RIMS2: variants seen among roughly 807,000 people sequenced by gnomAD.
RIMS2 encodes the protein regulating synaptic membrane exocytosis protein 2.
In RIMS2, 59 loss-of-function variants were observed where a neutral mutation model predicts 174.4. The ratio of observed to expected loss-of-function variants is 0.34; its 90% CI spans 0.27 to 0.42. The LOEUF is 0.42. RIMS2 is among the 10% of genes least tolerant of loss of function. RIMS2 has a pLI of 1.00. For missense variants in RIMS2, 1,620 were observed against 1,666.3 expected, an observed-to-expected ratio of 0.97 and a Z score of 0.48; for synonymous variants, 606 against 572.5, an observed-to-expected ratio of 1.06 and a Z score of -0.84.
chr8:103,703,635 A>G (rs1182366063), intron 2 of RIMS2, among the ~76,000 whole-genome samples: 1 of 149,300 alleles, frequency 6.7e-6, no homozygotes, highest in Non-Finnish European at 1.5e-5. Flanking sequence ...ATAATAGGAT[A>G]CTTTTCCTTT....
chr8:104,100,786 C>T (rs971435202), intron 19 of RIMS2, among the ~76,000 whole-genome samples: 22 of 142,232 alleles, frequency 1.5e-4, no homozygotes, highest in African/African-American at 5.4e-4. Flanking sequence ...TAATCCCATT[C>T]AATTTCCTGT....
intron 1 of RIMS2, among the ~76,000 whole-genome samples, chr8:103,690,097 G>A (rs1399365927): frequency 6.6e-6 from 1 of 151,666 alleles, no homozygotes; most frequent in East Asian, 1.9e-4. Context: ...AGTAGTTGGG[G>A]TTACAGGCAT....
At chr8:104,080,697 A>G (rs371106284) in intron 19 of RIMS2, among the ~76,000 whole-genome samples, 1 of 152,074 alleles carries the variant, frequency 6.6e-6, no homozygotes, top group Non-Finnish European at 1.5e-5. Context: ...AAATATATCT[A>G]CAATTTTGTT....
At chr8:104,155,422 T>C (rs1254284384) in intron 19 of RIMS2, among the ~76,000 whole-genome samples, 5 of 127,876 alleles carry the variant, frequency 3.9e-5, no homozygotes, top group Non-Finnish European at 6.5e-5. Flanking sequence ...TTTTTTTTTT[T>C]TTTTTTTCTG....
chr8:103,549,067 C>G (rs1322826436), intron 1 of RIMS2, among the ~76,000 whole-genome samples: 2 of 151,942 alleles, frequency 1.3e-5, no homozygotes, highest in African/African-American at 2.4e-5. Flanking sequence ...ATAGGAGAAT[C>G]AATATCATTA....
intron 1 of RIMS2, among the ~76,000 whole-genome samples, chr8:103,603,001 T>A (rs1455366596): frequency 2.6e-5 from 4 of 152,164 alleles, no homozygotes; most frequent in Non-Finnish European, 4.4e-5. Context: ...TTTTATTTTT[T>A]ATTTTTTTAT....
intron 3 of RIMS2, among the ~76,000 whole-genome samples, chr8:103,796,824 C>T (rs987438025): frequency 1.3e-5 from 2 of 152,058 alleles, no homozygotes. Context: ...AGCTTTAGGC[C>T]TGTGCATTTG....
At chr8:103,783,264 TTTC>T (rs2098408551) in intron 3 of RIMS2, among the ~76,000 whole-genome samples, 2 of 146,070 alleles carry the variant, frequency 1.4e-5, no homozygotes, top group Admixed American at 1.4e-4. Context: ...TGTTTTTTCT[TTTC>T]TTTTTTTTTT....
At chr8:103,712,166 A>T (rs1293764557) in intron 2 of RIMS2, among the ~76,000 whole-genome samples, 2 of 137,226 alleles carry the variant, frequency 1.5e-5, no homozygotes, top group African/African-American at 6.1e-5. Context: ...TAATTTTTAA[A>T]CTTTTTTTTT....
chr8:103,666,061 A>G (rs1406516582), intron 1 of RIMS2, among the ~76,000 whole-genome samples: 2 of 152,190 alleles, frequency 1.3e-5, no homozygotes, highest in Admixed American at 1.3e-4. Context: ...TGATTCCTGA[A>G]TCAGGAATCC....
At chr8:103,665,332 C>T (rs79570819) in intron 1 of RIMS2, among the ~76,000 whole-genome samples, 1,716 of 152,268 alleles carry the variant, frequency 0.011, 22 homozygotes, top group South Asian at 0.049. Flanking sequence ...GGGTGTTTAA[C>T]GCTCATTTGA....
intron 2 of RIMS2, among the ~76,000 whole-genome samples, chr8:103,745,925 T>C (rs1591526563): frequency 6.6e-6 from 1 of 152,362 alleles, no homozygotes; most frequent in Non-Finnish European, 1.5e-5. Context: ...CTTGAAAATG[T>C]CCTTTGATAC....
intron 14 of RIMS2, among the ~76,000 whole-genome samples, chr8:103,958,338 G>A (rs909848657): frequency 2.0e-5 from 3 of 152,156 alleles, no homozygotes; most frequent in Admixed American, 2.0e-4. Context: ...TCACTTGAAA[G>A]TGGGAGCTAA....
intron 2 of RIMS2, among the ~76,000 whole-genome samples, chr8:103,757,027 G>T (rs1254759063): frequency 6.6e-6 from 1 of 151,444 alleles, no homozygotes; most frequent in Admixed American, 6.6e-5. Flanking sequence ...GAGAGAGAGA[G>T]AGAGAGAGAG....
chr8:103,887,464 G>A (rs549907636), intron 4 of RIMS2, among the ~76,000 whole-genome samples: 6 of 150,518 alleles, frequency 4.0e-5, no homozygotes, highest in East Asian at 3.9e-4. Context: ...CTCTTTATTC[G>A]CTTCCAAATC....
chr8:103,830,853 G>A (rs921444635), intron 3 of RIMS2, among the ~76,000 whole-genome samples: 1 of 152,168 alleles, frequency 6.6e-6, no homozygotes, highest in Non-Finnish European at 1.5e-5. Flanking sequence ...CTGTTGCTCA[G>A]GCTGCAGTGC....
At chr8:104,082,292 C>G (rs985380765) in intron 19 of RIMS2, among the ~76,000 whole-genome samples, 1 of 151,970 alleles carries the variant, frequency 6.6e-6, no homozygotes, top group Admixed American at 6.6e-5. Context: ...TCCTTTCAAT[C>G]CAAGAGTTCA....
intron 1 of RIMS2, among the ~76,000 whole-genome samples, chr8:103,603,629 T>C (rs1265885311): frequency 1.3e-5 from 2 of 150,536 alleles, no homozygotes; most frequent in Non-Finnish European, 3.0e-5. Context: ...GTAAAAGTGT[T>C]CCTATTTCTC....
intron 1 of RIMS2, among the ~76,000 whole-genome samples, chr8:103,585,933 G>A (rs2093894380): frequency 6.7e-6 from 1 of 148,158 alleles, no homozygotes; most frequent in Non-Finnish European, 1.5e-5. Flanking sequence ...AAAAAAAAGA[G>A]CAGGAGTCCC....
Sources: allele counts gnomAD v4.1 joint callset (sites outside exome capture counted in the v4.1 genomes callset), GRCh38; gene constraint gnomAD v4.1.1; transcripts MANE v1.5; gene names NCBI Gene and HGNC (gene_info 2026-07-23, HGNC 2026-07-21).